The following BBX variants were observed in gnomAD, a reference collection of about 807,000 sequenced individuals.
The protein encoded by BBX is HMG box transcription factor BBX.
In BBX, 30 loss-of-function variants were observed where a neutral mutation model predicts 100.2. That is an observed-to-expected ratio of 0.30 (90% CI 0.22 to 0.41). The LOEUF (loss-of-function observed/expected upper bound fraction) is 0.41. Among genes scored for constraint, BBX ranks in the 10% least tolerant of loss-of-function variants. The pLI is 1.00. For synonymous variants in BBX, 376 were observed against 388.1 expected, an observed-to-expected ratio of 0.97 and a Z score of 0.37; for missense variants, 1,023 against 1,129.8, an observed-to-expected ratio of 0.91 and a Z score of 1.35.
chr3:107,801,142 G>C lies in BBX; in HGVS notation c.2599G>C (p.Glu867Gln), dbSNP rs1251194820. ...QLQRSLPKAT[E>Q]TDCNDKCSHN... ...GCAGAGGAGTCTCCCTAAAGCAACT[G>C]AGACAGACTGCAATGACAAATGCTC... Residue 867 changes from glutamate (E) to glutamine (Q), a missense_variant, in exon 17 of 18, where the codon GAG becomes CAG. Glu to Gln is a conservative substitution (Grantham distance 29). Coordinates refer to ENST00000325805, the MANE Select transcript of BBX (RefSeq NM_001142568.3). 6.2e-7 allele frequency: 1 copy of C among 1,614,228 alleles called. No individual in the cohort carries two copies. Among genetic ancestry groups the C allele is most frequent in the Non-Finnish European group, 8.5e-7 (1 of 1,180,036 alleles).
At chr3:107,708,590 C>G (rs2061523509) in intron 3 of BBX, among the ~76,000 whole-genome samples, 1 of 150,426 alleles carries the variant, frequency 6.6e-6, no homozygotes, top group Non-Finnish European at 1.5e-5. Context: ...AGAAGAATTG[C>G]TTGAACCGGG....
At chr3:107,718,255 A>G (rs1418052062) in intron 5 of BBX, among the ~76,000 whole-genome samples, 1 of 147,386 alleles carries the variant, frequency 6.8e-6, no homozygotes, top group Non-Finnish European at 1.5e-5. Flanking sequence ...AACTATTATA[A>G]TAGTATTAAT....
intron 15 of BBX, 146 bp downstream of exon 15, chr3:107,791,445 C>A: frequency 1.5e-6 from 1 of 672,982 alleles, no homozygotes; most frequent in Non-Finnish European, 2.5e-6. Flanking sequence ...TTAATTTTCA[C>A]ATCAAAGCTG....
At chr3:107,631,298 G>A (rs1015951499) in intron 2 of BBX, among the ~76,000 whole-genome samples, 1 of 152,070 alleles carries the variant, frequency 6.6e-6, no homozygotes, top group African/African-American at 2.4e-5. Context: ...TAAAGTGCCC[G>A]GGCAGGCACT....
chr3:107,527,471 T>C lies in BBX; in HGVS notation c.-84+1073T>C, dbSNP rs549800158. 9.2e-5 allele frequency among the ~76,000 whole-genome samples: 14 copies of C among 152,344 alleles called. 1 individual carries two copies. The South Asian group carries it at 2.9e-3, about 32-fold the overall frequency. ...AATTATTGTCTTTGTATTAAGAATA[T>C]AAAACTGTTGTCTTAGTATTGAGTT... On this transcript the variant is annotated intron_variant, in intron 2 of 17. Coordinates refer to ENST00000325805, the MANE Select transcript of BBX (RefSeq NM_001142568.3).
chr3:107,775,122 A>G (rs1349179325), intron 12 of BBX, among the ~76,000 whole-genome samples: 1 of 152,184 alleles, frequency 6.6e-6, no homozygotes, highest in African/African-American at 2.4e-5. Flanking sequence ...CTGAGTTTGA[A>G]TCAACATCCC....
intron 9 of BBX, among the ~76,000 whole-genome samples, chr3:107,752,719 A>G (rs1050466960): frequency 6.6e-6 from 1 of 152,216 alleles, no homozygotes; most frequent in Non-Finnish European, 1.5e-5. Context: ...CATAATAGTC[A>G]AGAGAGACTA....
intron 9 of BBX, among the ~76,000 whole-genome samples, chr3:107,753,907 T>C (rs1470911554): frequency 6.6e-6 from 1 of 152,190 alleles, no homozygotes; most frequent in Admixed American, 6.5e-5. Context: ...ATTTTTGGAA[T>C]TGTACCAAAA....
At chr3:107,552,665 T>C (rs2049793710) in intron 2 of BBX, among the ~76,000 whole-genome samples, 1 of 152,206 alleles carries the variant, frequency 6.6e-6, no homozygotes, top group Non-Finnish European at 1.5e-5. Context: ...TAAAATTGTA[T>C]TTTAAAAATC....
intron 2 of BBX, among the ~76,000 whole-genome samples, chr3:107,577,769 A>G (rs887087154): frequency 1.3e-5 from 2 of 152,256 alleles, no homozygotes; most frequent in East Asian, 1.9e-4. Flanking sequence ...GAAAATATCA[A>G]ATGAACAAAG....
intron 13 of BBX, among the ~76,000 whole-genome samples, chr3:107,779,756 A>G (rs1178820505): frequency 2.6e-5 from 4 of 152,088 alleles, no homozygotes; most frequent in Non-Finnish European, 5.9e-5. Context: ...TCTCTGGAGA[A>G]ACCTGAACCT....
intron 2 of BBX, among the ~76,000 whole-genome samples, chr3:107,600,491 A>G (rs1388017054): frequency 6.6e-6 from 1 of 152,196 alleles, no homozygotes; most frequent in Non-Finnish European, 1.5e-5. Flanking sequence ...TTTTAAATTT[A>G]TTTTACAAAA....
At chr3:107,565,006 A>C (rs2050777680) in intron 2 of BBX, among the ~76,000 whole-genome samples, 1 of 152,150 alleles carries the variant, frequency 6.6e-6, no homozygotes, top group Non-Finnish European at 1.5e-5. Context: ...TCCATCTTTC[A>C]GGAAATGTTA....
At chr3:107,689,602 C>T (rs559149995) in intron 3 of BBX, among the ~76,000 whole-genome samples, 3 of 152,120 alleles carry the variant, frequency 2.0e-5, no homozygotes, top group African/African-American at 4.8e-5. Context: ...AAGTACATTG[C>T]GTCACAGACA....
intron 2 of BBX, among the ~76,000 whole-genome samples, chr3:107,561,391 C>G (rs1345574120): frequency 6.6e-6 from 1 of 152,072 alleles, no homozygotes; most frequent in Non-Finnish European, 1.5e-5. Flanking sequence ...TCTATATGCC[C>G]TTGTGAAACT....
intron 2 of BBX, among the ~76,000 whole-genome samples, chr3:107,613,109 T>C (rs2054966229): frequency 6.6e-6 from 1 of 151,480 alleles, no homozygotes; most frequent in Non-Finnish European, 1.5e-5. Flanking sequence ...CAGCTTGTGG[T>C]GAATGTTGCC....
chr3:107,569,539 A>G (rs1042354452), intron 2 of BBX, among the ~76,000 whole-genome samples: 3 of 152,126 alleles, frequency 2.0e-5, no homozygotes, highest in African/African-American at 7.2e-5. Context: ...TACTGGGGAA[A>G]AGGGCGGCAA....
intron 2 of BBX, among the ~76,000 whole-genome samples, chr3:107,545,138 C>T (rs1335020920): frequency 6.6e-6 from 1 of 152,132 alleles, no homozygotes; most frequent in East Asian, 1.9e-4. Flanking sequence ...CTTGGCCCAA[C>T]CAATTTAATG....
intron 2 of BBX, among the ~76,000 whole-genome samples, chr3:107,617,843 C>T (rs1376962003): frequency 6.6e-6 from 1 of 151,750 alleles, no homozygotes; most frequent in Non-Finnish European, 1.5e-5. Flanking sequence ...AAATAGGGAT[C>T]GTTTTGTTTC....
Sources: allele counts gnomAD v4.1 joint callset (sites outside exome capture counted in the v4.1 genomes callset), GRCh38; gene constraint gnomAD v4.1.1; transcripts MANE v1.5; gene names NCBI Gene and HGNC (gene_info 2026-07-23, HGNC 2026-07-21).